The following FHIT variants were observed in gnomAD, a reference collection of about 807,000 sequenced individuals.
FHIT encodes the protein bis(5'-adenosyl)-triphosphatase.
FHIT carries 19 observed loss-of-function variants against 17.9 expected under a neutral mutation model. That is an observed-to-expected ratio of 1.06 (90% CI 0.74 to 1.56). The LOEUF is 1.56. Ranked by LOEUF, FHIT falls within the 40% of genes most tolerant of loss-of-function variation. FHIT has a pLI of 0.00. For missense variants in FHIT, 248 were observed against 189.2 expected, an observed-to-expected ratio of 1.31 and a Z score of -1.82; for synonymous variants, 81 against 69.7, an observed-to-expected ratio of 1.16 and a Z score of -0.81.
At chr3:60,422,106 C>T (rs1380202208) in intron 5 of FHIT, among the ~76,000 whole-genome samples, 1 of 152,152 alleles carries the variant, frequency 6.6e-6, no homozygotes, top group Non-Finnish European at 1.5e-5. Context: ...TTTTGTCCAT[C>T]AAAATCTCAG....
chr3:59,750,499 T>A (rs544463449), intron 9 of FHIT: 1 of 224,940 alleles, frequency 4.4e-6, no homozygotes, highest in Non-Finnish European at 8.9e-6. Flanking sequence ...ACTAGCTTGA[T>A]CCTTAAAAAA....
At chr3:60,916,978 C>T (rs1398410484) in intron 3 of FHIT, among the ~76,000 whole-genome samples, 1 of 152,026 alleles carries the variant, frequency 6.6e-6, no homozygotes, top group African/African-American at 2.4e-5. Context: ...AGAATGAATA[C>T]AAAAATGCAA....
At chr3:60,222,138 G>T (rs758720121) in intron 5 of FHIT, among the ~76,000 whole-genome samples, 1 of 151,970 alleles carries the variant, frequency 6.6e-6, no homozygotes, top group Non-Finnish European at 1.5e-5. Flanking sequence ...GCTCAACTTG[G>T]GAATGTATTC....
intron 5 of FHIT, among the ~76,000 whole-genome samples, chr3:60,084,036 A>C (rs1408752767): frequency 1.6e-5 from 1 of 63,434 alleles, no homozygotes; most frequent in African/African-American, 7.7e-5. Flanking sequence ...TTAAGTGGGG[A>C]AAAAATCACA....
In FHIT at chr3:60,011,391, C is replaced by T. The variant is rs747139143; in HGVS notation, c.259G>A (p.Glu87Lys). ...SLTFSMQDGP[E>K]AGQTVKHVHV... ...CTCACCTTCACAGTCTGTCCGGCTT[C>T]GGGGCCATCCTAGAAGTAGGAAAAA... Residue 87 changes from glutamate (E) to lysine (K), a missense_variant, in exon 7 of 10, where the codon GAA (glutamate) becomes AAA (lysine). Coordinates refer to ENST00000492590, the MANE Select transcript of FHIT (RefSeq NM_002012.4). The T allele has an allele frequency of 1.9e-5, 30 of 1,613,338 alleles. No homozygotes were observed. In the South Asian group the frequency reaches 2.1e-4, roughly 11 times the overall value.
chr3:60,552,446 A>G (rs999243129), intron 4 of FHIT, among the ~76,000 whole-genome samples: 18 of 152,192 alleles, frequency 1.2e-4, no homozygotes, highest in African/African-American at 4.3e-4. Context: ...ACCACCACCA[A>G]TGAAAGAGGG....
At chr3:60,899,168 T>C (rs1369495545) in intron 3 of FHIT, among the ~76,000 whole-genome samples, 1 of 152,210 alleles carries the variant, frequency 6.6e-6, no homozygotes, top group African/African-American at 2.4e-5. Flanking sequence ...CAGTACGTGA[T>C]CAGAAACACT....
chr3:60,488,528 T>A (rs1427925925), intron 5 of FHIT, among the ~76,000 whole-genome samples: 3 of 152,120 alleles, frequency 2.0e-5, no homozygotes, highest in African/African-American at 7.2e-5. Context: ...GTCTTGAGGA[T>A]CTAGACATTG....
At chr3:60,398,072 A>C (rs1701519735) in intron 5 of FHIT, among the ~76,000 whole-genome samples, 1 of 151,996 alleles carries the variant, frequency 6.6e-6, no homozygotes, top group African/African-American at 2.4e-5. Flanking sequence ...CTACTCTACT[A>C]ACTCTCCAGT....
intron 3 of FHIT, among the ~76,000 whole-genome samples, chr3:61,026,853 A>G (rs2107658269): frequency 6.6e-6 from 1 of 152,262 alleles, no homozygotes; most frequent in South Asian, 2.1e-4. Flanking sequence ...ACCTTCCCAC[A>G]TCCTAGCTCT....
chr3:61,186,068 T>C (rs925717670), intron 2 of FHIT, among the ~76,000 whole-genome samples: 1 of 152,226 alleles, frequency 6.6e-6, no homozygotes, highest in African/African-American at 2.4e-5. Context: ...ATATTTCACA[T>C]TCAATTTTGT....
intron 5 of FHIT, among the ~76,000 whole-genome samples, chr3:60,394,056 G>A (rs111919411): frequency 8.9e-4 from 136 of 152,266 alleles, no homozygotes; most frequent in African/African-American, 3.2e-3. Flanking sequence ...TCTCAGGATA[G>A]GCTTATGGTG....
At chr3:59,869,648 A>T (rs921858549) in intron 8 of FHIT, among the ~76,000 whole-genome samples, 3 of 145,754 alleles carry the variant, frequency 2.1e-5, no homozygotes, top group Admixed American at 6.8e-5. Context: ...CGCCCAGCTA[A>T]TTTTTTTTTT....
intron 5 of FHIT, among the ~76,000 whole-genome samples, chr3:60,106,126 T>C (rs1173999480): frequency 1.3e-5 from 2 of 152,222 alleles, no homozygotes; most frequent in East Asian, 1.9e-4. Flanking sequence ...ACCTGTTAGA[T>C]ACTTAGTAGC....
At chr3:60,838,268 T>A (rs1452192074) in intron 3 of FHIT, among the ~76,000 whole-genome samples, 6 of 151,734 alleles carry the variant, frequency 4.0e-5, no homozygotes, top group African/African-American at 1.5e-4. Context: ...AGCTCAGGAG[T>A]TCGCGACGAA....
intron 1 of FHIT, among the ~76,000 whole-genome samples, chr3:61,230,160 G>A (rs2040063325): frequency 1.3e-5 from 2 of 152,220 alleles, no homozygotes; most frequent in Non-Finnish European, 2.9e-5. Context: ...CAATGAGATA[G>A]TTTGGGTATT....
intron 5 of FHIT, among the ~76,000 whole-genome samples, chr3:60,100,321 T>G (rs1704137965): frequency 1.3e-5 from 2 of 151,762 alleles, no homozygotes; most frequent in South Asian, 4.2e-4. Context: ...GAGGTGGAGG[T>G]TGCACTGAGC....
At chr3:60,833,113 T>C (rs1161933752) in intron 3 of FHIT, among the ~76,000 whole-genome samples, 3 of 152,140 alleles carry the variant, frequency 2.0e-5, no homozygotes, top group Admixed American at 2.0e-4. Context: ...CTGGGTGCCA[T>C]TGTTCTGAGA....
intron 5 of FHIT, among the ~76,000 whole-genome samples, chr3:60,083,776 G>T (rs1472398199): frequency 6.6e-6 from 1 of 152,220 alleles, no homozygotes; most frequent in East Asian, 1.9e-4. Context: ...ACAAATGGGT[G>T]TGGCTGTGTT....
Sources: gnomAD v4.1 joint callset for allele counts (sites outside exome capture counted in the v4.1 genomes callset) on GRCh38, gnomAD v4.1.1 for gene constraint, MANE v1.5 for transcripts, NCBI Gene and HGNC (gene_info 2026-07-23, HGNC 2026-07-21) for gene names.